Variants in VOPP1 observed in about 807,000 individuals in gnomAD.
VOPP1 encodes VOPP1 WW domain binding protein, also known as WW domain binding protein VOPP1.
In VOPP1, 8 loss-of-function variants were observed where a neutral mutation model predicts 23.5. The ratio of observed to expected loss-of-function variants is 0.34; its 90% confidence interval spans 0.20 to 0.61. The LOEUF (loss-of-function observed/expected upper bound fraction) is 0.61, where lower values mean the gene tolerates loss of function less well. VOPP1 is among the 20% of genes least tolerant of loss of function. The pLI, the probability that VOPP1 is intolerant of heterozygous loss-of-function variation, is 0.78. For missense variants in VOPP1, 174 were observed against 238.1 expected (o/e 0.73, Z 1.77); for synonymous variants, 83 against 97.3 (o/e 0.85, Z 0.86).
intron 4 of VOPP1, among the ~76,000 whole-genome samples, chr7:55,445,906 G>A (rs1286915837): frequency 6.6e-6 from 1 of 151,934 alleles, no homozygotes; most frequent in African/African-American, 2.4e-5. Flanking sequence ...TAGTGGCTAT[G>A]TATTGGGCAG....
chr7:55,500,292 G>T (rs1794276381), intron 2 of VOPP1, among the ~76,000 whole-genome samples: 1 of 152,212 alleles, frequency 6.6e-6, no homozygotes, highest in African/African-American at 2.4e-5. Context: ...TGCCCTTGCA[G>T]ACTGGAGATT....
intron 2 of VOPP1, among the ~76,000 whole-genome samples, chr7:55,513,463 T>C (rs935380512): frequency 6.6e-6 from 1 of 152,204 alleles, no homozygotes; most frequent in African/African-American, 2.4e-5. Flanking sequence ...TGGAGTTGAC[T>C]TCCGAGAAGC....
At chr7:55,547,233 G>T (rs1215824111) in intron 1 of VOPP1, among the ~76,000 whole-genome samples, 1 of 152,072 alleles carries the variant, frequency 6.6e-6, no homozygotes, top group Non-Finnish European at 1.5e-5. Context: ...GGGGACGGGG[G>T]ACAAAGGGGC....
At position 55,538,552 on chromosome 7, in the gene VOPP1, G is replaced by C. The variant is rs964315322; in HGVS notation, c.55-17422C>G. 7.6e-6 allele frequency: 11 copies of C among 1,455,232 alleles called. No individual in the cohort carries two copies. In the African/African-American group the frequency reaches 1.3e-4, roughly 17 times the overall value. 90.1% of individuals were successfully genotyped at this position (1,455,232 alleles called of 1,614,324 possible). Reference sequence around the variant, plus strand: ...ACTGAGGATTCCACAGTCCAACTGAGGATCACTGTAAACTGCTTTACATGG... The same window carrying C: ...ACTGAGGATTCCACAGTCCAACTGACGATCACTGTAAACTGCTTTACATGG... On this transcript the variant is annotated intron_variant, in intron 1 of 4. Transcript: ENST00000285279.
intron 4 of VOPP1, among the ~76,000 whole-genome samples, chr7:55,464,961 T>C (rs1791597238): frequency 6.6e-6 from 1 of 152,138 alleles, no homozygotes; most frequent in African/African-American, 2.4e-5. Flanking sequence ...AGTGTGGCAA[T>C]GTAGACTGCT....
intron 2 of VOPP1, among the ~76,000 whole-genome samples, chr7:55,518,963 G>A (rs1252534136): frequency 6.6e-6 from 1 of 152,192 alleles, no homozygotes; most frequent in Non-Finnish European, 1.5e-5. Context: ...GAGGACACTG[G>A]GAACAGAGGG....
intron 1 of VOPP1, among the ~76,000 whole-genome samples, chr7:55,542,420 A>C (rs1584085877): frequency 6.6e-6 from 1 of 152,082 alleles, no homozygotes; most frequent in African/African-American, 2.4e-5. Context: ...TCTCCCCACT[A>C]CCCTTTCCAG....
At chr7:55,502,991 A>T in intron 2 of VOPP1, among the ~76,000 whole-genome samples, 1 of 152,202 alleles carries the variant, frequency 6.6e-6, no homozygotes, top group East Asian at 1.9e-4. Flanking sequence ...TGAAATACAC[A>T]TGATACTTCA....
intron 1 of VOPP1, among the ~76,000 whole-genome samples, chr7:55,553,220 CCTCT>C (rs1207826437): frequency 2.0e-5 from 3 of 152,152 alleles, no homozygotes; most frequent in Admixed American, 6.5e-5. Flanking sequence ...AGCTGCAGTT[CCTCT>C]GTTATACAGG....
chr7:55,521,068 T>C lies in VOPP1; in HGVS notation c.113+4A>G. 6.4e-7 allele frequency: 1 copy of C among 1,573,518 alleles called. No individual in the cohort carries two copies. The highest frequency in any genetic ancestry group is 8.6e-7 in the Non-Finnish European group (1 of 1,158,370). ...TGAAACCACAGAAAGGTGCAAATACTTACATATAATAGGTTGGATAGAGTC... is the reference window on the plus strand; with the variant it reads ...TGAAACCACAGAAAGGTGCAAATACCTACATATAATAGGTTGGATAGAGTC... On this transcript the variant is annotated splice_donor_region_variant and intron_variant, in intron 2 of 4. Coordinates refer to ENST00000285279, the MANE Select transcript of VOPP1 (RefSeq NM_030796.5).
intron 2 of VOPP1, among the ~76,000 whole-genome samples, chr7:55,518,312 A>G (rs1174583155): frequency 6.6e-6 from 1 of 152,220 alleles, no homozygotes. Context: ...GTCACTTTAA[A>G]ACGGTTAATT....
intron 4 of VOPP1, among the ~76,000 whole-genome samples, chr7:55,479,930 G>A (rs1360343405): frequency 6.6e-6 from 1 of 152,106 alleles, no homozygotes; most frequent in Non-Finnish European, 1.5e-5. Flanking sequence ...AGCCTCTTCA[G>A]CACCTACTGA....
intron 4 of VOPP1, among the ~76,000 whole-genome samples, chr7:55,462,426 T>C (rs1791523731): frequency 6.6e-6 from 1 of 152,210 alleles, no homozygotes; most frequent in Non-Finnish European, 1.5e-5. Context: ...TTTCAGCTAT[T>C]ATTTCATTAA....
intron 4 of VOPP1, among the ~76,000 whole-genome samples, chr7:55,442,148 C>T (rs986998475): frequency 6.6e-6 from 1 of 152,164 alleles, no homozygotes; most frequent in African/African-American, 2.4e-5. Context: ...ATAGGCTTCT[C>T]AGACACAGTT....
At chr7:55,473,956 G>A (rs1263614186) in intron 4 of VOPP1, among the ~76,000 whole-genome samples, 1 of 152,120 alleles carries the variant, frequency 6.6e-6, no homozygotes, top group African/African-American at 2.4e-5. Flanking sequence ...GTGTGATATA[G>A]TTCTGACTCT....
At chr7:55,510,571 T>C (rs987237373) in intron 2 of VOPP1, among the ~76,000 whole-genome samples, 40 of 78,138 alleles carry the variant, frequency 5.1e-4, no homozygotes, top group South Asian at 1.2e-3. Context: ...GGGCACTGGC[T>C]TTTTTTTTTT....
chr7:55,519,235 C>T (rs1290867650), intron 2 of VOPP1, among the ~76,000 whole-genome samples: 4 of 152,308 alleles, frequency 2.6e-5, no homozygotes, highest in South Asian at 2.1e-4. Context: ...AAGAGAAAAG[C>T]GCGAAAGGAA....
intron 4 of VOPP1, among the ~76,000 whole-genome samples, chr7:55,475,308 G>A (rs1179796640): frequency 1.3e-5 from 2 of 152,170 alleles, no homozygotes; most frequent in African/African-American, 4.8e-5. Context: ...GGCCGAGTGG[G>A]CAGAGCCATG....
At chr7:55,557,826 T>C (rs1584118364) in intron 1 of VOPP1, among the ~76,000 whole-genome samples, 1 of 152,056 alleles carries the variant, frequency 6.6e-6, no homozygotes, top group African/African-American at 2.4e-5. Flanking sequence ...AATGAGAGGG[T>C]GTGTAGAGCC....
Sources: allele counts gnomAD v4.1 joint callset (sites outside exome capture counted in the v4.1 genomes callset), GRCh38; gene constraint gnomAD v4.1.1; transcripts MANE v1.5; gene names NCBI Gene and HGNC (gene_info 2026-07-23, HGNC 2026-07-21).